RNLS: variants seen among roughly 807,000 people sequenced by gnomAD.
RNLS encodes the protein renalase, FAD dependent amine oxidase.
In RNLS, 39 loss-of-function variants were observed where a neutral mutation model predicts 39.8. The ratio of observed to expected loss-of-function variants is 0.98; its 90% CI spans 0.76 to 1.28. The LOEUF (loss-of-function observed/expected upper bound fraction) is 1.28. RNLS is among the 50% of genes most tolerant of loss of function. The pLI is 0.00. For missense variants in RNLS, 410 were observed against 413.3 expected (o/e 0.99, Z 0.07); for synonymous variants, 147 against 150.7 (o/e 0.98, Z 0.18).
At chr10:88,376,073 G>C (rs1850969060) in intron 4 of RNLS, among the ~76,000 whole-genome samples, 1 of 152,112 alleles carries the variant, frequency 6.6e-6, no homozygotes, top group Non-Finnish European at 1.5e-5. Context: ...TGGGGTCATG[G>C]TGTCCACCTC....
intron 4 of RNLS, among the ~76,000 whole-genome samples, chr10:88,456,280 C>T (rs780919792): frequency 1.3e-5 from 2 of 151,612 alleles, no homozygotes; most frequent in Non-Finnish European, 2.9e-5. Flanking sequence ...TTTCAGTTTA[C>T]TTTTATTACT....
chr10:88,358,144 C>T (rs992711699), intron 5 of RNLS, among the ~76,000 whole-genome samples: 4 of 152,120 alleles, frequency 2.6e-5, no homozygotes, highest in Non-Finnish European at 5.9e-5. Flanking sequence ...AAAAACTACC[C>T]AAGTTAATAT....
the RNLS span, among the ~76,000 whole-genome samples, chr10:88,246,386 T>C: frequency 3.7e-4 from 57 of 152,260 alleles, no homozygotes; most frequent in South Asian, 1.0e-2. Flanking sequence ...GTTTGCCAGC[T>C]TAGAGCCTGT....
intron 4 of RNLS, among the ~76,000 whole-genome samples, chr10:88,394,986 T>C (rs1356507512): frequency 6.6e-6 from 1 of 151,884 alleles, no homozygotes; most frequent in Non-Finnish European, 1.5e-5. Flanking sequence ...AGGTGGGAAT[T>C]GAACAATGAG....
At chr10:88,234,389 C>T in the RNLS span, among the ~76,000 whole-genome samples, 5 of 152,034 alleles carry the variant, frequency 3.3e-5, no homozygotes, top group South Asian at 8.3e-4. Flanking sequence ...CCAGGGAGTG[C>T]CCCATCTAAC....
chr10:88,182,597 C>T, the RNLS span, among the ~76,000 whole-genome samples: 5 of 152,176 alleles, frequency 3.3e-5, no homozygotes, highest in Admixed American at 2.6e-4. Flanking sequence ...GGAAATTTAA[C>T]GTTACACTTA....
the RNLS span, among the ~76,000 whole-genome samples, chr10:88,246,550 G>GTT: frequency 7.8e-3 from 1,158 of 148,732 alleles, 16 homozygotes; most frequent in African/African-American, 0.026. Flanking sequence ...GAGTTTTGTT[G>GTT]TTTTTTTTTT....
chr10:88,462,556 T>G (rs1399532535), intron 4 of RNLS, among the ~76,000 whole-genome samples: 1 of 151,964 alleles, frequency 6.6e-6, no homozygotes, highest in Non-Finnish European at 1.5e-5. Flanking sequence ...ATAAATAAGA[T>G]AGACAATCCA....
At chr10:88,351,079 G>T (rs1848665211) in intron 5 of RNLS, among the ~76,000 whole-genome samples, 1 of 151,552 alleles carries the variant, frequency 6.6e-6, no homozygotes, top group Non-Finnish European at 1.5e-5. Context: ...TGGTGGGGTT[G>T]TTTTTTTTCT....
At chr10:88,253,927 T>TA in the RNLS span, among the ~76,000 whole-genome samples, 1 of 152,232 alleles carries the variant, frequency 6.6e-6, no homozygotes, top group African/African-American at 2.4e-5. Flanking sequence ...CTTTCCACAT[T>TA]AAACAAAGTT....
At chr10:88,271,390 C>T (rs1388249172), downstream of RNLS, among the ~76,000 whole-genome samples, 1 of 152,158 alleles carries the variant, frequency 6.6e-6, no homozygotes, top group Non-Finnish European at 1.5e-5. Context: ...TTTTCTTGCT[C>T]TGAGCTGGAG....
At chr10:88,329,416 C>T (rs913627246) in intron 5 of RNLS, among the ~76,000 whole-genome samples, 3 of 151,886 alleles carry the variant, frequency 2.0e-5, no homozygotes, top group Non-Finnish European at 4.4e-5. Context: ...TATCTAGCTG[C>T]TTTTATGGTT....
At chr10:88,483,238 A>G (rs760093548) in intron 4 of RNLS, among the ~76,000 whole-genome samples, 4 of 152,088 alleles carry the variant, frequency 2.6e-5, no homozygotes, top group Non-Finnish European at 5.9e-5. Flanking sequence ...CTGATTCCAT[A>G]GCTGTTAAAT....
At chr10:88,388,850 G>A (rs924443505) in intron 4 of RNLS, among the ~76,000 whole-genome samples, 13 of 152,228 alleles carry the variant, frequency 8.5e-5, no homozygotes, top group African/African-American at 2.9e-4. Context: ...AGCTTACAAC[G>A]TGGTACACAG....
intron 4 of RNLS, among the ~76,000 whole-genome samples, chr10:88,570,899 T>C (rs1590040025): frequency 1.3e-5 from 2 of 152,152 alleles, no homozygotes; most frequent in African/African-American, 2.4e-5. Flanking sequence ...GCAACTATAG[T>C]TAATAATATC....
chr10:88,203,461 TATATATATATATATATATA>T, the RNLS span, among the ~76,000 whole-genome samples: 14 of 1,330 alleles, frequency 0.011, no homozygotes, highest in East Asian at 0.047. Flanking sequence ...TGTGTGTATA[TATATATATATATATATATA>T]TATATATATA....
At chr10:88,247,533 G>A in the RNLS span, among the ~76,000 whole-genome samples, 20 of 152,298 alleles carry the variant, frequency 1.3e-4, no homozygotes, top group Admixed American at 2.6e-4. Context: ...CAGTCGCCTC[G>A]TCTGTAAAAC....
chr10:88,515,179 T>TA (rs1182406337), intron 4 of RNLS, among the ~76,000 whole-genome samples: 1 of 152,038 alleles, frequency 6.6e-6, no homozygotes, highest in African/African-American at 2.4e-5. Context: ...TCTGAGTTCT[T>TA]AATATTTTTT....
the RNLS span, among the ~76,000 whole-genome samples, chr10:88,190,576 G>A: frequency 1.3e-5 from 2 of 152,174 alleles, no homozygotes; most frequent in South Asian, 4.1e-4. Flanking sequence ...AATGTCTTTA[G>A]CATGCTATAA....
Sources: gnomAD v4.1 joint callset for allele counts (sites outside exome capture counted in the v4.1 genomes callset) on GRCh38, gnomAD v4.1.1 for gene constraint, MANE v1.5 for transcripts, NCBI Gene and HGNC (gene_info 2026-07-23, HGNC 2026-07-21) for gene names.